HOMER1: variants seen among roughly 807,000 people sequenced by gnomAD.
HOMER1 encodes the protein homer protein homolog 1.
Under a neutral mutation model 48.9 loss-of-function variants are expected in HOMER1, and 3 were observed. The ratio of observed to expected loss-of-function variants is 0.06; its 90% confidence interval spans 0.03 to 0.16. The LOEUF (loss-of-function observed/expected upper bound fraction) is 0.16, where lower values mean the gene tolerates loss of function less well. Among genes scored for constraint, HOMER1 ranks in the 10% least tolerant of loss-of-function variants. The pLI is 1.00. For synonymous variants in HOMER1, 134 were observed against 146.4 expected (o/e 0.92, Z 0.61); for missense variants, 247 against 411.4 (o/e 0.60, Z 3.46).
chr5:79,491,524 C>T (rs1752279304), intron 1 of HOMER1, among the ~76,000 whole-genome samples: 2 of 149,260 alleles, frequency 1.3e-5, no homozygotes. Context: ...ACCCCTCTTG[C>T]TTGGGCTTTC....
In HOMER1 at chr5:79,442,442, T is replaced by G. The variant is rs537774947; in HGVS notation, c.388-3293A>C. ...ATATTCTAGAACACATGGAAAAAAGTTGACCTTGACCCTCACTCTAGGACA... is the reference window on the plus strand; with the variant it reads ...ATATTCTAGAACACATGGAAAAAAGGTGACCTTGACCCTCACTCTAGGACA... On this transcript the variant is annotated intron_variant, in intron 4 of 8. Coordinates refer to ENST00000334082, the MANE Select transcript of HOMER1 (RefSeq NM_004272.5). Among the ~76,000 whole-genome samples, 3 of 152,308 alleles carry G rather than the reference T, an allele frequency of 2.0e-5. No individual in the cohort carries two copies. The South Asian group carries it at 6.2e-4, about 32-fold the overall frequency.
chr5:79,495,131 CA>C (rs943069861), intron 1 of HOMER1, among the ~76,000 whole-genome samples: 1 of 152,128 alleles, frequency 6.6e-6, no homozygotes, highest in African/African-American at 2.4e-5. Flanking sequence ...GGAAGATGTT[CA>C]AAATCTTTGA....
At chr5:79,441,126 G>A (rs1212948265) in intron 4 of HOMER1, among the ~76,000 whole-genome samples, 1 of 152,104 alleles carries the variant, frequency 6.6e-6, no homozygotes, top group Non-Finnish European at 1.5e-5. Flanking sequence ...CTGCACTCCA[G>A]CCTGGGCAAC....
At chr5:79,438,159 A>G (rs1335184516) in intron 5 of HOMER1, among the ~76,000 whole-genome samples, 3 of 152,178 alleles carry the variant, frequency 2.0e-5, no homozygotes, top group Non-Finnish European at 2.9e-5. Flanking sequence ...ATGCCAAAGG[A>G]TTTTTTTAAA....
At chr5:79,417,598 CATCT>C (rs1476175880) in intron 5 of HOMER1, among the ~76,000 whole-genome samples, 1 of 152,218 alleles carries the variant, frequency 6.6e-6, no homozygotes, top group African/African-American at 2.4e-5. Context: ...TATGAATATA[CATCT>C]ATCTCTTGCC....
Position 79,443,224 on chromosome 5 carries a change from C to T in HOMER1, c.387+3829G>A, listed in dbSNP as rs941152417. On this transcript the variant is annotated intron_variant, in intron 4 of 8. Coordinates refer to ENST00000334082, the MANE Select transcript of HOMER1 (RefSeq NM_004272.5). The stretch of plus-strand genomic sequence containing the variant: ...CTAGAGTGGTAATTTTAATGAAAGC[C>T]AGGCTAAATACTTTGAAATGACTAA... Among the ~76,000 whole-genome samples, 3 of 152,086 alleles carry T rather than the reference C, an allele frequency of 2.0e-5. No individual in the cohort carries two copies. The South Asian group carries it at 6.2e-4, about 32-fold the overall frequency.
At chr5:79,437,932 C>T (rs1228819109) in intron 5 of HOMER1, among the ~76,000 whole-genome samples, 3 of 152,190 alleles carry the variant, frequency 2.0e-5, no homozygotes, top group Non-Finnish European at 4.4e-5. Flanking sequence ...GCTGGGATTA[C>T]AGGCATATGC....
At chr5:79,427,938 C>A (rs1348874408) in intron 5 of HOMER1, among the ~76,000 whole-genome samples, 1 of 151,880 alleles carries the variant, frequency 6.6e-6, no homozygotes, top group Non-Finnish European at 1.5e-5. Flanking sequence ...GCAAATGTAC[C>A]CCCATTCCCT....
chr5:79,398,333 G>GCACACA (rs1434521419), intron 6 of HOMER1, among the ~76,000 whole-genome samples: 2 of 128,910 alleles, frequency 1.6e-5, no homozygotes, highest in Non-Finnish European at 3.3e-5. Flanking sequence ...ACACACACAT[G>GCACACA]CACACACACA....
intron 8 of HOMER1, among the ~76,000 whole-genome samples, chr5:79,386,876 C>G (rs756820701): frequency 6.6e-6 from 1 of 152,026 alleles, no homozygotes; most frequent in Non-Finnish European, 1.5e-5. Flanking sequence ...ATTATGAATA[C>G]CACCACTGGC....
chr5:79,430,264 T>G (rs1417695132), intron 5 of HOMER1, among the ~76,000 whole-genome samples: 1 of 152,064 alleles, frequency 6.6e-6, no homozygotes, highest in East Asian at 1.9e-4. Context: ...ATAAGGCCCA[T>G]GGGAACATGC....
At chr5:79,392,954 G>GGGGAGA (rs758464934) in intron 8 of HOMER1, among the ~76,000 whole-genome samples, 14 of 140,958 alleles carry the variant, frequency 9.9e-5, no homozygotes, top group African/African-American at 2.7e-4. Flanking sequence ...GAAGGGAAAG[G>GGGGAGA]GAGAGAGAGA....
At chr5:79,444,942 C>T (rs779165751) in intron 4 of HOMER1, among the ~76,000 whole-genome samples, 4 of 152,022 alleles carry the variant, frequency 2.6e-5, no homozygotes, top group Non-Finnish European at 1.5e-5. Context: ...CATGTACAGA[C>T]GTATAATGGA....
At chr5:79,447,210 TAGTAA>T in intron 3 of HOMER1, 65 bp from the exon 4 acceptor site, 1 of 935,256 alleles carries the variant, frequency 1.1e-6, no homozygotes, top group South Asian at 1.4e-5. Flanking sequence ...ACTTTTACCT[TAGTAA>T]AGTTATTCAT....
intron 1 of HOMER1, among the ~76,000 whole-genome samples, chr5:79,497,059 CAAAAAAAAAAAAA>C (rs5868996): frequency 7.6e-5 from 4 of 52,782 alleles, no homozygotes; most frequent in Non-Finnish European, 1.4e-4. Flanking sequence ...GACTTTGTCT[CAAAAAAAAAAAAA>C]AAAAAAAAAG....
At chr5:79,410,489 C>CAAAAAA (rs59290866) in intron 5 of HOMER1, among the ~76,000 whole-genome samples, 2 of 105,126 alleles carry the variant, frequency 1.9e-5, no homozygotes, top group African/African-American at 3.2e-5. Context: ...AACTCTATCT[C>CAAAAAA]AAAAAAAAAA....
At chr5:79,390,825 T>C (rs1026522931) in intron 8 of HOMER1, among the ~76,000 whole-genome samples, 13 of 152,174 alleles carry the variant, frequency 8.5e-5, no homozygotes, top group Middle Eastern at 3.2e-3. Flanking sequence ...GGACTTTTTA[T>C]ACCTTTCATA....
chr5:79,446,046 T>C (rs944752731), intron 4 of HOMER1, among the ~76,000 whole-genome samples: 1 of 152,246 alleles, frequency 6.6e-6, no homozygotes, highest in Non-Finnish European at 1.5e-5. Context: ...ATTTTCTGGC[T>C]GCAAAGAGAC....
chr5:79,478,624 T>A (rs2112337514), intron 1 of HOMER1, among the ~76,000 whole-genome samples: 1 of 152,044 alleles, frequency 6.6e-6, no homozygotes, highest in African/African-American at 2.4e-5. Flanking sequence ...TAAGTTGCCT[T>A]AAGATGTCAT....
Sources: allele counts gnomAD v4.1 joint callset (sites outside exome capture counted in the v4.1 genomes callset), GRCh38; gene constraint gnomAD v4.1.1; transcripts MANE v1.5; gene names NCBI Gene and HGNC (gene_info 2026-07-23, HGNC 2026-07-21).